DOT1L: variants seen among roughly 807,000 people sequenced by gnomAD.
The protein encoded by DOT1L is histone-lysine N-methyltransferase, H3 lysine-79 specific.
A neutral mutation model predicts 153.3 loss-of-function variants in DOT1L; 33 were observed. The ratio of observed to expected loss-of-function variants is 0.22; its 90% CI spans 0.16 to 0.29. The LOEUF is 0.29. DOT1L is among the 10% of genes least tolerant of loss of function. The pLI, the probability that DOT1L is intolerant of heterozygous loss-of-function variation, is 1.00. For missense variants in DOT1L, 1,847 were observed against 2,119.9 expected (o/e 0.87, Z 2.53); for synonymous variants, 1,135 against 965.1 (o/e 1.18, Z -3.26).
intron 16 of DOT1L, 97 bp downstream of exon 16, chr19:2,211,939 C>T: frequency 2.5e-6 from 3 of 1,197,696 alleles, no homozygotes; most frequent in Non-Finnish European, 3.5e-6. Flanking sequence ...CCCTGGAGCG[C>T]AGGCCTGAGT....
rs1024814447 is a variant in DOT1L, at chr19:2,208,374, G to A, written c.964-561G>A. On this transcript the variant is annotated intron_variant, in intron 11 of 27. Coordinates refer to ENST00000398665, the MANE Select transcript of DOT1L (RefSeq NM_032482.3). This position sits in a 1 kb window ranked among gnomAD's most constrained non-coding sequence, Gnocchi z 4.4. ...GCACCCTCACTGTCCAGTGCTCGGA[G>A]CCTCCACTAGAGCCTGCCTGGGGAG... Among the ~76,000 whole-genome samples the A allele has an allele frequency of 6.6e-6, 1 of 152,104 alleles. No individual in the cohort carries two copies. The highest frequency in any genetic ancestry group is 1.5e-5 in the Non-Finnish European group (1 of 68,010).
intron 1 of DOT1L, among the ~76,000 whole-genome samples, 187 bp from the exon 2 acceptor site, chr19:2,180,525 TG>T (rs796327066): frequency 4.4e-4 from 67 of 152,258 alleles, no homozygotes; most frequent in African/African-American, 1.3e-3. Flanking sequence ...CGGCAAGGTC[TG>T]TGTTCCCTTC....
chr19:2,208,989 G>GT lies in DOT1L; in HGVS notation c.1005+19dup, dbSNP rs771007683. 6.2e-6 allele frequency: 10 copies of GT among 1,612,030 alleles called. No individual in the cohort carries two copies. In the South Asian group the frequency reaches 9.9e-5, roughly 16 times the overall value. ...CCCAAAACTCAGGGTAAGTTTGTGTGTTTTTTCTCTTGGGTTAATAACACG... is the reference window on the plus strand; with the variant it reads ...CCCAAAACTCAGGGTAAGTTTGTGTGTTTTTTTCTCTTGGGTTAATAACACG... On this transcript the variant is annotated intron_variant, in intron 12 of 27. Coordinates refer to ENST00000398665, the MANE Select transcript of DOT1L (RefSeq NM_032482.3). The surrounding 1 kb of genome is among the most constrained non-coding windows in gnomAD (Gnocchi z 4.4).
rs1180397113 is a variant in DOT1L at position 2,207,541 on chromosome 19, C to T, written c.857-33C>T. The T allele has an allele frequency of 7.6e-6, 12 of 1,577,106 alleles. No individual in the cohort carries two copies. The highest frequency in any genetic ancestry group is 2.7e-5 in the African/African-American group (2 of 74,238). On this transcript the variant is annotated intron_variant, in intron 10 of 27. Coordinates refer to ENST00000398665, the MANE Select transcript of DOT1L (RefSeq NM_032482.3). The surrounding 1 kb of genome is among the most constrained non-coding windows in gnomAD (Gnocchi z 4.5). ...TCTGCATGGAGGGGCTGTGGGCAGG[C>T]GCAGGCCCCGGCCTCACCTGTGGCT...
chr19:2,200,716 G>A (rs538650062), intron 8 of DOT1L, among the ~76,000 whole-genome samples: 15 of 150,766 alleles, frequency 9.9e-5, no homozygotes, highest in Non-Finnish European at 1.5e-4. Flanking sequence ...CACATTCCTC[G>A]TCCTCCCCGC....
At chr19:2,185,543 C>T (rs1345697067) in intron 2 of DOT1L, among the ~76,000 whole-genome samples, 3 of 152,058 alleles carry the variant, frequency 2.0e-5, no homozygotes, top group East Asian at 1.9e-4. Flanking sequence ...CTGAAGTGGG[C>T]GGATCACTTC....
At position 2,217,128 on chromosome 19, in the gene DOT1L, G is replaced by A. The variant is rs1408713388; in HGVS notation, c.2544+38G>A. 3 of 1,543,052 alleles carry A rather than the reference G, an allele frequency of 1.9e-6. No individual in the cohort carries two copies. Among genetic ancestry groups the A allele is most frequent in the Non-Finnish European group, 1.7e-6 (2 of 1,145,232 alleles). On this transcript the variant is annotated intron_variant, in intron 21 of 27. Transcript: ENST00000398665. The surrounding 1 kb of genome is among the most constrained non-coding windows in gnomAD (Gnocchi z 7.3). ...ACCCCTGCCCCGGGCTCAGGGAGGTGCTCAGCAGAGGCGGCCTGAGCGAGT... is the reference window on the plus strand; with the variant it reads ...ACCCCTGCCCCGGGCTCAGGGAGGTACTCAGCAGAGGCGGCCTGAGCGAGT...
chr19:2,186,683 C>T (rs1294324581), intron 3 of DOT1L, among the ~76,000 whole-genome samples: 2 of 152,230 alleles, frequency 1.3e-5, no homozygotes, highest in African/African-American at 4.8e-5. Context: ...CAGTAAACCT[C>T]GAGATCCTGT....
chr19:2,186,844 CT>C (rs1450979815), intron 3 of DOT1L, among the ~76,000 whole-genome samples: 1 of 152,262 alleles, frequency 6.6e-6, no homozygotes, highest in African/African-American at 2.4e-5. Flanking sequence ...GCCACCCCCC[CT>C]CATTGGGCGT....
intron 8 of DOT1L, 42 bp from the exon 9 acceptor site, chr19:2,202,658 A>G: frequency 1.3e-6 from 2 of 1,597,252 alleles, no homozygotes; most frequent in Admixed American, 3.3e-5. Context: ...TGTGCCCGTG[A>G]GACGAGCCTT....
At chr19:2,187,259 A>G (rs769922995) in intron 3 of DOT1L, among the ~76,000 whole-genome samples, 2 of 152,200 alleles carry the variant, frequency 1.3e-5, no homozygotes, top group Admixed American at 6.5e-5. Flanking sequence ...GCCCTTTCAC[A>G]TTAACCTGGG....
chr19:2,211,895 C>A, intron 16 of DOT1L, 53 bp downstream of exon 16: 2 of 1,499,540 alleles, frequency 1.3e-6, no homozygotes, highest in South Asian at 1.2e-5. Flanking sequence ...GCAGTTCGTT[C>A]CTGTTCCTGG....
chr19:2,222,381 C>G lies in DOT1L; in HGVS notation c.3212C>G (p.Ala1071Gly), dbSNP rs1376629380. 6.2e-7 allele frequency: 1 copy of G among 1,611,354 alleles called. No individual in the cohort carries two copies. The highest frequency in any genetic ancestry group is 8.5e-7 in the Non-Finnish European group (1 of 1,179,286). Residue 1071 changes from alanine (A) to glycine (G), a missense_variant, in exon 24 of 28, where the codon GCC becomes GGC. Coordinates refer to ENST00000398665, the MANE Select transcript of DOT1L (RefSeq NM_032482.3). This position sits in a 1 kb window ranked among gnomAD's most constrained non-coding sequence, Gnocchi z 6.5. ...SSKHSPLTAS[A>G]RGDCVPSHGQ... Reference sequence around the variant, plus strand: ...AAGCACAGCCCCCTGACCGCCAGCGCCCGTGGGGACTGTGTGCCGAGCCAC... The same window carrying G: ...AAGCACAGCCCCCTGACCGCCAGCGGCCGTGGGGACTGTGTGCCGAGCCAC...
intron 3 of DOT1L, among the ~76,000 whole-genome samples, chr19:2,187,982 C>G (rs1568338031): frequency 6.6e-6 from 1 of 151,434 alleles, no homozygotes; most frequent in African/African-American, 2.4e-5. Flanking sequence ...TCCTCTGGAG[C>G]TGCGGGGAAG....
intron 17 of DOT1L, 73 bp from the exon 18 acceptor site, chr19:2,213,776 G>T (rs2023798182): frequency 4.4e-6 from 7 of 1,606,314 alleles, no homozygotes; most frequent in African/African-American, 2.7e-5. Flanking sequence ...GGGCTGCAGG[G>T]GTGGTCATGC....
intron 13 of DOT1L, 27 bp downstream of exon 13, chr19:2,210,537 C>A (rs751511193): frequency 6.9e-6 from 11 of 1,588,640 alleles, no homozygotes; most frequent in South Asian, 1.1e-5. Context: ...GCTCCTGCTG[C>A]TGGAGGGCAC....
At position 2,222,661 on chromosome 19, in the gene DOT1L, G is replaced by A. The variant is rs2024169893; in HGVS notation, c.3390+102G>A. 7.6e-6 allele frequency: 9 copies of A among 1,182,040 alleles called. No individual in the cohort carries two copies. Among genetic ancestry groups the A allele is most frequent in the Non-Finnish European group, 9.2e-6 (8 of 868,186 alleles). The allele number at this position is 1,182,040 out of a possible 1,614,324, so 73.2% of individuals were successfully genotyped here. A position where few individuals can be genotyped will look rare whatever the true frequency, so the allele number is the denominator to read the frequency against. ...CACGCCTGTAATCCCAGCATTTTGG[G>A]AGGCCGAGGCGGGTGGATCACAAGA... On this transcript the variant is annotated intron_variant, in intron 24 of 27. Coordinates refer to ENST00000398665, the MANE Select transcript of DOT1L (RefSeq NM_032482.3). The surrounding 1 kb of genome is among the most constrained non-coding windows in gnomAD (Gnocchi z 6.5).
intron 9 of DOT1L, among the ~76,000 whole-genome samples, chr19:2,205,074 C>T (rs1261945372): frequency 6.6e-6 from 1 of 152,060 alleles, no homozygotes; most frequent in Non-Finnish European, 1.5e-5. Context: ...AGGTTCACGC[C>T]ATTCTCCCGC....
rs757907585 is a variant in DOT1L at position 2,219,039 on chromosome 19, T to A, written c.2692-1069T>A. ...GGCATGCACCACTATGCCCAGCTGATTTTTGTATTTTTAGTAGAGACAGGG... is the reference window on the plus strand; with the variant it reads ...GGCATGCACCACTATGCCCAGCTGAATTTTGTATTTTTAGTAGAGACAGGG... On this transcript the variant is annotated intron_variant, in intron 22 of 27. Transcript: ENST00000398665. 1.1e-4 allele frequency among the ~76,000 whole-genome samples: 16 copies of A among 152,306 alleles called. 1 individual carries two copies. The South Asian group carries it at 1.9e-3, about 18-fold the overall frequency.
Sources: allele counts gnomAD v4.1 joint callset (sites outside exome capture counted in the v4.1 genomes callset), GRCh38; gene constraint gnomAD v4.1.1; non-coding constraint Gnocchi (gnomAD v3.1); transcripts MANE v1.5; gene names NCBI Gene and HGNC (gene_info 2026-07-23, HGNC 2026-07-21).